C10orf67: variants seen among roughly 807,000 people sequenced by gnomAD.
C10orf67 encodes the protein chromosome 10 open reading frame 67.
In C10orf67, 60 loss-of-function variants were observed where a neutral mutation model predicts 35.6. The ratio of observed to expected loss-of-function variants is 1.68; its 90% CI spans 1.37 to 2.09. The LOEUF is 2.09. Ranked by LOEUF, C10orf67 falls within the 30% of genes most tolerant of loss-of-function variation. C10orf67 has a pLI of 0.00. For missense variants in C10orf67, 474 were observed against 330.2 expected (o/e 1.44, Z -3.38); for synonymous variants, 167 against 115.8 (o/e 1.44, Z -2.84).
intron 4 of C10orf67, among the ~76,000 whole-genome samples, chr10:23,320,324 G>A (rs1282829291): frequency 6.6e-6 from 1 of 152,180 alleles, no homozygotes; most frequent in Non-Finnish European, 1.5e-5. Flanking sequence ...TTTTCCCATT[G>A]TGAAGGAAAA....
At chr10:23,250,209 C>T (rs74348060) in intron 12 of C10orf67, among the ~76,000 whole-genome samples, 25 of 152,130 alleles carry the variant, frequency 1.6e-4, no homozygotes, top group Admixed American at 6.5e-5. Flanking sequence ...AGGTATTAAG[C>T]GAGTGAGTCT....
At chr10:23,234,101 G>C (rs1213834441) in intron 13 of C10orf67, among the ~76,000 whole-genome samples, 1 of 152,160 alleles carries the variant, frequency 6.6e-6, no homozygotes, top group Non-Finnish European at 1.5e-5. Flanking sequence ...CCACCACAGT[G>C]AAAAATAGTG....
chr10:23,204,675 A>G (rs570920152), intron 15 of C10orf67, among the ~76,000 whole-genome samples: 1 of 152,340 alleles, frequency 6.6e-6, no homozygotes, highest in African/African-American at 2.4e-5. Context: ...TTGCCTTGCA[A>G]TGGAAATAGA....
chr10:23,316,488 G>A (rs751312009), intron 4 of C10orf67, among the ~76,000 whole-genome samples: 19 of 152,224 alleles, frequency 1.2e-4, no homozygotes, highest in Non-Finnish European at 2.5e-4. Context: ...GTGTGTTTCA[G>A]CCCTGTTTTT....
At chr10:23,210,342 C>T (rs1483593005) in intron 15 of C10orf67, among the ~76,000 whole-genome samples, 1 of 152,122 alleles carries the variant, frequency 6.6e-6, no homozygotes, top group Non-Finnish European at 1.5e-5. Context: ...TGGTGTTCTC[C>T]AGGACAAATA....
chr10:23,261,775 G>C (rs1383708477), intron 10 of C10orf67, among the ~76,000 whole-genome samples: 1 of 152,076 alleles, frequency 6.6e-6, no homozygotes, highest in South Asian at 2.1e-4. Flanking sequence ...CAAATGGGAA[G>C]AAAATAGTAA....
chr10:23,222,855 G>A (rs943850111), intron 15 of C10orf67, among the ~76,000 whole-genome samples: 14 of 152,110 alleles, frequency 9.2e-5, no homozygotes, highest in African/African-American at 3.1e-4. Flanking sequence ...ACTCAGGAGG[G>A]TGAGACAGCC....
At chr10:23,254,915 C>A (rs1000233009) in intron 10 of C10orf67, among the ~76,000 whole-genome samples, 2 of 152,118 alleles carry the variant, frequency 1.3e-5, no homozygotes, top group African/African-American at 2.4e-5. Flanking sequence ...TACCTCTATA[C>A]CCTTTAAATC....
chr10:23,282,601 C>T (rs1360549142), intron 7 of C10orf67, among the ~76,000 whole-genome samples: 2 of 152,048 alleles, frequency 1.3e-5, no homozygotes, highest in Non-Finnish European at 2.9e-5. Context: ...AAGGCTGAGG[C>T]GGGTGGATCA....
intron 10 of C10orf67, among the ~76,000 whole-genome samples, chr10:23,252,319 G>A (rs113446693): frequency 9.3e-4 from 141 of 151,952 alleles, no homozygotes; most frequent in African/African-American, 3.0e-3. Flanking sequence ...CAGACTGTTC[G>A]TTTTTCATAG....
chr10:23,230,921 A>ATCCC (rs1841889349), intron 13 of C10orf67, among the ~76,000 whole-genome samples: 2 of 152,186 alleles, frequency 1.3e-5, no homozygotes, highest in Non-Finnish European at 2.9e-5. Context: ...ATCTGGCATT[A>ATCCC]GCTTCTGTGG....
chr10:23,210,508 C>T (rs572506087), intron 15 of C10orf67, among the ~76,000 whole-genome samples: 8 of 152,110 alleles, frequency 5.3e-5, no homozygotes, highest in Non-Finnish European at 7.4e-5. Flanking sequence ...TAACCTCCAT[C>T]GCCTGGGTTC....
chr10:23,248,211 G>GT, intron 12 of C10orf67, among the ~76,000 whole-genome samples: 1 of 152,242 alleles, frequency 6.6e-6, no homozygotes. Context: ...AACAGAGGGT[G>GT]GCTCAGGTGG....
chr10:23,277,032 A>G (rs574459345), intron 8 of C10orf67, among the ~76,000 whole-genome samples: 1 of 152,120 alleles, frequency 6.6e-6, no homozygotes, highest in Non-Finnish European at 1.5e-5. Context: ...AGATCTCAAC[A>G]TGTGGTCCAA....
chr10:23,204,190 C>T lies in C10orf67; in HGVS notation c.1636G>A (p.Ala546Thr), dbSNP rs559786480. ...EEPSMRQSSPAETVD is the reference protein window; with the variant it reads ...EEPSMRQSSPTETVD ...CTGCTGGGTTAATCAACAGTCTCTG[C>T]GGGGCTGCTCTGGCGCATGGAGGGC... The change falls in exon 16 of 16, where the codon GCA becomes ACA. Residue 546 changes from alanine to threonine, a missense_variant. Ala to Thr is a moderately conservative substitution (Grantham distance 58). Transcript: ENST00000636213. The T allele has an allele frequency of 1.6e-6, 1 of 640,756 alleles. No individual in the cohort carries two copies. Among genetic ancestry groups the T allele is most frequent in the Non-Finnish European group, 2.9e-6 (1 of 343,692 alleles). 39.7% of individuals were successfully genotyped at this position (640,756 alleles called of 1,614,324 possible).
At chr10:23,232,829 A>G (rs1013900804) in intron 13 of C10orf67, among the ~76,000 whole-genome samples, 2 of 152,216 alleles carry the variant, frequency 1.3e-5, no homozygotes, top group African/African-American at 4.8e-5. Flanking sequence ...AAAAAGAAAC[A>G]AAAACAGATC....
At chr10:23,317,686 T>C (rs1844782010) in intron 4 of C10orf67, 1 of 152,198 alleles carries the variant, frequency 6.6e-6, no homozygotes, top group African/African-American at 2.4e-5. Context: ...CTTATTAAAA[T>C]AAACACAAGA....
At chr10:23,333,251 C>CT (rs1214985658) in intron 1 of C10orf67, 69 bp from the exon 2 acceptor site, 22 of 1,396,792 alleles carry the variant, frequency 1.6e-5, no homozygotes, top group East Asian at 2.3e-5. Context: ...GTTAATGCGT[C>CT]TTTTTTTGTG....
intron 13 of C10orf67, among the ~76,000 whole-genome samples, chr10:23,229,750 A>G (rs1378084037): frequency 2.6e-5 from 4 of 152,232 alleles, no homozygotes; most frequent in African/African-American, 9.6e-5. Context: ...ATAATAGCAT[A>G]AAAATACAAG....
Sources: gnomAD v4.1 joint callset for allele counts (sites outside exome capture counted in the v4.1 genomes callset) on GRCh38, gnomAD v4.1.1 for gene constraint, MANE v1.5 for transcripts, NCBI Gene and HGNC (gene_info 2026-07-23, HGNC 2026-07-21) for gene names.